The following OVCH1 variants were observed in gnomAD, a reference collection of about 807,000 sequenced individuals.
OVCH1 encodes the protein ovochymase 1.
OVCH1 carries 139 observed loss-of-function variants against 138.4 expected under a neutral mutation model. That is an observed-to-expected ratio of 1.00 (90% CI 0.87 to 1.16). The LOEUF (loss-of-function observed/expected upper bound fraction) is 1.16, where lower values mean the gene tolerates loss of function less well. Ranked by LOEUF, OVCH1 falls within the 50% of genes most tolerant of loss-of-function variation. The pLI is 0.00. For missense variants in OVCH1, 1,367 were observed against 1,357.9 expected, an observed-to-expected ratio of 1.01 and a Z score of -0.11; for synonymous variants, 453 against 467.8, an observed-to-expected ratio of 0.97 and a Z score of 0.41.
intron 16 of OVCH1, 87 bp downstream of exon 16, chr12:29,471,715 G>C: frequency 7.4e-7 from 1 of 1,353,196 alleles, no homozygotes; most frequent in Non-Finnish European, 9.9e-7. Context: ...AATTAGTCTG[G>C]ATGATCTTAG....
intron 26 of OVCH1, chr12:29,439,194 C>A: frequency 1.4e-6 from 1 of 721,444 alleles, no homozygotes; most frequent in Non-Finnish European, 1.9e-6. Context: ...TATGCCACCC[C>A]TAGAAGCTCA....
intron 16 of OVCH1, among the ~76,000 whole-genome samples, chr12:29,470,355 G>A (rs1942460658): frequency 6.6e-6 from 1 of 152,062 alleles, no homozygotes; most frequent in African/African-American, 2.4e-5. Context: ...CATGCATTAG[G>A]TATTTGTCCT....
chr12:29,424,684 C>T (rs1434760677), downstream of OVCH1, among the ~76,000 whole-genome samples: 3 of 152,116 alleles, frequency 2.0e-5, no homozygotes, highest in Non-Finnish European at 4.4e-5. Context: ...TCTCTCTGTG[C>T]CTCGATAATC....
At chr12:29,446,994 T>G (rs1263880939) in intron 22 of OVCH1, among the ~76,000 whole-genome samples, 1 of 151,834 alleles carries the variant, frequency 6.6e-6, no homozygotes, top group Non-Finnish European at 1.5e-5. Context: ...ATACTAAGAA[T>G]AAGCATTAGG....
chr12:29,441,361 C>A (rs1565572651), intron 25 of OVCH1, among the ~76,000 whole-genome samples: 3 of 152,080 alleles, frequency 2.0e-5, no homozygotes, highest in South Asian at 2.1e-4. Flanking sequence ...CAAAAACAAG[C>A]AATGGGGAAA....
At chr12:29,493,551 C>CT (rs1943329782) in intron 4 of OVCH1, among the ~76,000 whole-genome samples, 1 of 152,074 alleles carries the variant, frequency 6.6e-6, no homozygotes. Flanking sequence ...TTCTCTGTCT[C>CT]TTATCGTCAC....
downstream of OVCH1, among the ~76,000 whole-genome samples, chr12:29,410,867 G>C (rs1379359914): frequency 1.3e-5 from 2 of 151,740 alleles, no homozygotes; most frequent in Non-Finnish European, 1.5e-5. Context: ...TGCGTTGCTA[G>C]ATTGGGGAAG....
downstream of OVCH1, among the ~76,000 whole-genome samples, chr12:29,410,040 T>C (rs1266216671): frequency 6.6e-6 from 1 of 152,218 alleles, no homozygotes; most frequent in Admixed American, 6.5e-5. Flanking sequence ...TCTTGTTGAA[T>C]TGATCCCTTT....
chr12:29,404,223 A>G, the OVCH1 span, among the ~76,000 whole-genome samples: 2 of 152,190 alleles, frequency 1.3e-5, no homozygotes, highest in African/African-American at 4.8e-5. Flanking sequence ...GCAGGCAGAA[A>G]TTCTTGTGAA....
At chr12:29,413,074 C>A (rs1940981795) in intron 3 of OVCH1, among the ~76,000 whole-genome samples, 1 of 150,122 alleles carries the variant, frequency 6.7e-6, no homozygotes, top group Non-Finnish European at 1.5e-5. Flanking sequence ...TTTGCCTGAG[C>A]TGGTCTCAAA....
intron 14 of OVCH1, 86 bp from the exon 15 acceptor site, chr12:29,473,189 C>G (rs965008690): frequency 2.3e-6 from 2 of 884,434 alleles, no homozygotes; most frequent in Non-Finnish European, 3.6e-6. Flanking sequence ...AATCATAAAA[C>G]TACTCTACTG....
downstream of OVCH1, among the ~76,000 whole-genome samples, chr12:29,427,018 A>T (rs1248002670): frequency 2.6e-5 from 4 of 152,224 alleles, no homozygotes; most frequent in Non-Finnish European, 5.9e-5. Context: ...ACTCCAGATC[A>T]GCCTTCAAAT....
At chr12:29,431,293 C>T (rs1941263677) in intron 27 of OVCH1, among the ~76,000 whole-genome samples, 1 of 151,932 alleles carries the variant, frequency 6.6e-6, no homozygotes, top group African/African-American at 2.4e-5. Context: ...AAAGTGCTAG[C>T]CAGGTATGGT....
rs777094458 is a variant in OVCH1 at position 29,451,522 on chromosome 12, T to TG, written c.2577dup (p.Thr860HisfsTer9). The TG allele has an allele frequency of 3.1e-6, 5 of 1,612,914 alleles. No individual in the cohort carries two copies. Among genetic ancestry groups the TG allele is most frequent in the African/African-American group, 2.7e-5 (2 of 74,826 alleles). On this transcript the variant is annotated frameshift_variant, in exon 22 of 28. Transcript: ENST00000318184. LOFTEE classifies it high-confidence loss of function. ...CTATAATCCAGTAGATACCGTGGTG[T>TG]GGGAAAAAAGCCTCTAGGCTTTTCT...
At chr12:29,483,405 TTA>T (rs1942996779) in intron 8 of OVCH1, among the ~76,000 whole-genome samples, 1 of 152,246 alleles carries the variant, frequency 6.6e-6, no homozygotes, top group Non-Finnish European at 1.5e-5. Flanking sequence ...GCGTTTTAAA[TTA>T]TGAGCTGAAA....
intron 3 of OVCH1, among the ~76,000 whole-genome samples, chr12:29,415,313 A>T (rs1565560649): frequency 2.6e-5 from 4 of 152,334 alleles, no homozygotes; most frequent in Non-Finnish European, 1.5e-5. Context: ...AGACAGAATC[A>T]TGCAGGCATA....
chr12:29,429,910 T>C (rs1300411478), intron 27 of OVCH1, among the ~76,000 whole-genome samples: 1 of 152,202 alleles, frequency 6.6e-6, no homozygotes, highest in African/African-American at 2.4e-5. Context: ...TATCCACAGA[T>C]CCTTACTTAT....
At chr12:29,486,832 G>T in intron 7 of OVCH1, 1 of 436,054 alleles carries the variant, frequency 2.3e-6, no homozygotes, top group Non-Finnish European at 4.6e-6. Context: ...AAATCTCATT[G>T]TTACCATTTA....
chr12:29,418,808 G>A (rs1941064599), intron 3 of OVCH1, among the ~76,000 whole-genome samples: 1 of 152,090 alleles, frequency 6.6e-6, no homozygotes, highest in Non-Finnish European at 1.5e-5. Context: ...TTTTAATGAG[G>A]TCATAGTCAT....
Sources: gnomAD v4.1 joint callset for allele counts (sites outside exome capture counted in the v4.1 genomes callset) on GRCh38, gnomAD v4.1.1 for gene constraint, MANE v1.5 for transcripts, NCBI Gene and HGNC (gene_info 2026-07-23, HGNC 2026-07-21) for gene names.